PIK3CD: variants seen among roughly 807,000 people sequenced by gnomAD.
PIK3CD encodes the protein phosphatidylinositol 4,5-bisphosphate 3-kinase catalytic subunit delta isoform.
PIK3CD carries 20 observed loss-of-function variants against 122.9 expected under a neutral mutation model. The ratio of observed to expected loss-of-function variants is 0.16; its 90% CI spans 0.11 to 0.24. The LOEUF (loss-of-function observed/expected upper bound fraction) is 0.24. Among genes scored for constraint, PIK3CD ranks in the 10% least tolerant of loss-of-function variants. The pLI is 1.00. For missense variants in PIK3CD, 787 were observed against 1,406.3 expected (o/e 0.56, Z 7.04); for synonymous variants, 596 against 593.4 (o/e 1.00, Z -0.06).
intron 1 of PIK3CD, among the ~76,000 whole-genome samples, chr1:9,657,700 C>G (rs1172503119): frequency 1.3e-5 from 2 of 152,152 alleles, no homozygotes; most frequent in African/African-American, 2.4e-5. Flanking sequence ...CAGCCCATTC[C>G]CAGCCCAGGG....
the PIK3CD span, among the ~76,000 whole-genome samples, chr1:9,642,420 T>A: frequency 6.6e-6 from 1 of 150,728 alleles, no homozygotes; most frequent in Non-Finnish European, 1.5e-5. Flanking sequence ...GCCTCTGTTC[T>A]ATTTTTTTAA....
At chr1:9,712,994 C>T (rs970750907) in intron 3 of PIK3CD, among the ~76,000 whole-genome samples, 3 of 152,130 alleles carry the variant, frequency 2.0e-5, no homozygotes, top group African/African-American at 7.2e-5. Flanking sequence ...CCAGCCTGGC[C>T]AACAAGGTGA....
intron 1 of PIK3CD, among the ~76,000 whole-genome samples, chr1:9,686,045 A>C (rs1179873793): frequency 6.6e-6 from 1 of 152,226 alleles, no homozygotes; most frequent in African/African-American, 2.4e-5. Context: ...CATCACAGCA[A>C]AAGTGTGATG....
At chr1:9,653,452 C>G in intron 1 of PIK3CD, 1 of 252,374 alleles carries the variant, frequency 4.0e-6, no homozygotes. Flanking sequence ...GATCCCAGCT[C>G]TTTCCGACGC....
At chr1:9,643,751 G>A in the PIK3CD span, among the ~76,000 whole-genome samples, 4,249 of 152,256 alleles carry the variant, frequency 0.028, 151 homozygotes, top group African/African-American at 0.074. Context: ...GGAAGCAGAG[G>A]CATAGAGAGG....
Position 9,727,148 on chromosome 1 carries a change from G to T in PIK3CD, c.*102G>T. ...TGAAGAGCCTGAACTGCACCTAACG[G>T]GAAAGAACCGACATGGCTGCCTTTT... On this transcript the variant is annotated 3_prime_UTR_variant, in exon 24 of 24. Coordinates refer to ENST00000377346, the MANE Select transcript of PIK3CD (RefSeq NM_005026.5). 2 of 1,322,902 alleles carry T rather than the reference G, an allele frequency of 1.5e-6. No individual in the cohort carries two copies. The highest frequency in any genetic ancestry group is 1.9e-5 in the Admixed American group (1 of 53,978). The allele number at this position is 1,322,902 out of a possible 1,614,324, so 81.9% of individuals were successfully genotyped here. A position where few individuals can be genotyped will look rare whatever the true frequency, so the allele number is the denominator to read the frequency against.
chr1:9,648,685 GAT>G (rs34499363), upstream of PIK3CD, among the ~76,000 whole-genome samples: 43,830 of 152,052 alleles, frequency 0.29, 7,494 homozygotes, highest in East Asian at 0.65. Flanking sequence ...CACTAGAAAG[GAT>G]ATACTAGTGT....
rs1183722305 is a variant in PIK3CD, at chr1:9,710,959, A to G, written c.141+363A>G. On this transcript the variant is annotated intron_variant, in intron 3 of 23. Coordinates refer to ENST00000377346, the MANE Select transcript of PIK3CD (RefSeq NM_005026.5). This position sits in a 1 kb window ranked among gnomAD's most constrained non-coding sequence, Gnocchi z 4.7. Reference sequence around the variant, plus strand: ...CACCATCACGCCCAACTAATTTTGTATTTTTAGTAGAGACGGGGTTTCTCC... The same window carrying G: ...CACCATCACGCCCAACTAATTTTGTGTTTTTAGTAGAGACGGGGTTTCTCC... 6.6e-6 allele frequency among the ~76,000 whole-genome samples: 1 copy of G among 151,084 alleles called. No homozygotes were observed. Among genetic ancestry groups the G allele is most frequent in the Non-Finnish European group, 1.5e-5 (1 of 67,860 alleles).
the PIK3CD span, among the ~76,000 whole-genome samples, chr1:9,643,860 T>C: frequency 3.3e-5 from 5 of 152,200 alleles, no homozygotes; most frequent in Admixed American, 6.6e-5. Flanking sequence ...ATACTTTTCC[T>C]GGCCAAAGCA....
At chr1:9,673,442 G>A (rs1214201498) in intron 1 of PIK3CD, among the ~76,000 whole-genome samples, 1 of 151,806 alleles carries the variant, frequency 6.6e-6, no homozygotes, top group Non-Finnish European at 1.5e-5. Context: ...TTGTATTTTA[G>A]CAGAGATTGG....
intron 2 of PIK3CD, among the ~76,000 whole-genome samples, chr1:9,701,599 G>A (rs1391741345): frequency 6.6e-6 from 1 of 151,542 alleles, no homozygotes; most frequent in Non-Finnish European, 1.5e-5. Context: ...AACCTGGGAG[G>A]CGGGGATTGC....
chr1:9,647,915 T>C (rs899310224), upstream of PIK3CD, among the ~76,000 whole-genome samples: 7 of 152,226 alleles, frequency 4.6e-5, no homozygotes, highest in African/African-American at 1.4e-4. Flanking sequence ...TTACAGTGTT[T>C]GCTTTGTTTG....
At chr1:9,683,735 C>T (rs916160007) in intron 1 of PIK3CD, among the ~76,000 whole-genome samples, 11 of 152,266 alleles carry the variant, frequency 7.2e-5, no homozygotes, top group African/African-American at 2.4e-4. Flanking sequence ...GTGATGCTCA[C>T]GGTCCCAGGG....
Position 9,720,831 on chromosome 1 carries a change from A to G in PIK3CD, c.1611A>G (p.Glu537=), listed in dbSNP as rs1444212968. 6.2e-7 allele frequency: 1 copy of G among 1,612,988 alleles called. No individual in the cohort carries two copies. The highest frequency in any genetic ancestry group is 8.5e-7 in the Non-Finnish European group (1 of 1,179,728). The part of the protein sequence containing the change: ...EKDLVWKLRH[E]VQEHFPEALA... ...ACCTGGTGTGGAAGCTGCGGCATGAAGTCCAGGAGCACTTCCCGGAGGCGC... is the reference window on the plus strand; with the variant it reads ...ACCTGGTGTGGAAGCTGCGGCATGAGGTCCAGGAGCACTTCCCGGAGGCGC... Residue 537 remains glutamate (E), a synonymous_variant, in exon 13 of 24, where the codon GAA becomes GAG. Coordinates refer to ENST00000377346, the MANE Select transcript of PIK3CD (RefSeq NM_005026.5). This position sits in a 1 kb window ranked among gnomAD's most constrained non-coding sequence, Gnocchi z 9.0.
the PIK3CD span, among the ~76,000 whole-genome samples, chr1:9,640,052 C>G: frequency 6.6e-6 from 1 of 151,736 alleles, no homozygotes; most frequent in Non-Finnish European, 1.5e-5. Flanking sequence ...TCCTTTCTTT[C>G]TTTCTTTCAT....
At position 9,724,154 on chromosome 1, in the gene PIK3CD, C is replaced by G; in HGVS notation, c.2718+62C>G. 1 of 1,613,714 alleles carries G rather than the reference C, an allele frequency of 6.2e-7. No individual in the cohort carries two copies. Among genetic ancestry groups the G allele is most frequent in the Non-Finnish European group, 8.5e-7 (1 of 1,179,998 alleles). On this transcript the variant is annotated intron_variant, in intron 21 of 23. Coordinates refer to ENST00000377346, the MANE Select transcript of PIK3CD (RefSeq NM_005026.5). The surrounding 1 kb of genome is among the most constrained non-coding windows in gnomAD (Gnocchi z 7.3). ...TGGCTTCTGGCCCCAGCCTGCTGGC[C>G]CCTCTGCCTAGCACACAGCTCTGTG...
chr1:9,634,621 C>T, the PIK3CD span, among the ~76,000 whole-genome samples: 1 of 152,178 alleles, frequency 6.6e-6, no homozygotes, highest in Admixed American at 6.5e-5. Flanking sequence ...AACACTTCAG[C>T]CTTTGAGTCC....
chr1:9,721,105 G>T, intron 13 of PIK3CD, 22 bp from the exon 14 acceptor site: 1 of 1,598,750 alleles, frequency 6.3e-7, no homozygotes, highest in Non-Finnish European at 8.5e-7. Flanking sequence ...CCGCCCCCAA[G>T]CCTGACCTCG....
In PIK3CD at chr1:9,710,495, A is replaced by G; in HGVS notation, c.40A>G (p.Lys14Glu). 6.2e-7 allele frequency: 1 copy of G among 1,614,146 alleles called. No individual in the cohort carries two copies. Among genetic ancestry groups the G allele is most frequent in the Non-Finnish European group, 8.5e-7 (1 of 1,180,002 alleles). ...GGACTGCCCCATGGAATTCTGGACC[A>G]AGGAGGAGAATCAGAGCGTTGTGGT... The part of the protein sequence containing the change: ...GVDCPMEFWT[K>E]EENQSVVVDF... The change falls in exon 3 of 24, where the codon AAG (lysine) becomes GAG (glutamate). Residue 14 changes from lysine to glutamate, a missense_variant. Physicochemically the swap from Lys to Glu is moderately conservative, Grantham distance 56. Around this residue, in one of 6 missense-constraint regions of PIK3CD, gnomAD observed 592 missense variants for 920.6 expected, o/e 0.64. Coordinates refer to ENST00000377346, the MANE Select transcript of PIK3CD (RefSeq NM_005026.5). This position sits in a 1 kb window ranked among gnomAD's most constrained non-coding sequence, Gnocchi z 4.7.
Sources: gnomAD v4.1 joint callset for allele counts (sites outside exome capture counted in the v4.1 genomes callset) on GRCh38, gnomAD v4.1.1 for gene constraint, gnomAD v4.1.1 regional missense constraint, Gnocchi (gnomAD v3.1) non-coding constraint, MANE v1.5 for transcripts, NCBI Gene and HGNC (gene_info 2026-07-23, HGNC 2026-07-21) for gene names.